Variants in RNASEH2B observed in about 807,000 individuals in gnomAD.
The protein encoded by RNASEH2B is ribonuclease H2 subunit B.
Under a neutral mutation model 45.0 loss-of-function variants are expected in RNASEH2B, and 36 were observed. The ratio of observed to expected loss-of-function variants is 0.80; its 90% CI spans 0.61 to 1.06. RNASEH2B has a LOEUF of 1.06. Ranked by LOEUF, RNASEH2B falls within the 50% of genes least tolerant of loss-of-function variation. The probability of loss-of-function intolerance (pLI) is 0.00; values close to 1 mark genes in which losing one functional copy is unlikely to be tolerated. For synonymous variants in RNASEH2B, 119 were observed against 125.7 expected, an observed-to-expected ratio of 0.95 and a Z score of 0.35; for missense variants, 361 against 360.3, an observed-to-expected ratio of 1.00 and a Z score of -0.02.
intron 4 of RNASEH2B, among the ~76,000 whole-genome samples, chr13:50,931,879 C>T (rs1951685259): frequency 6.6e-6 from 1 of 151,884 alleles, no homozygotes; most frequent in Admixed American, 6.6e-5. Context: ...GATTTTGTAA[C>T]ATCATGCTTT....
rs148489640 is a variant in RNASEH2B at position 50,934,645 on chromosome 13, G to A, written c.322-240G>A. The A allele has an allele frequency of 4.7e-5, 25 of 536,958 alleles. No homozygotes were observed. The East Asian group carries it at 7.1e-4, about 15-fold the overall frequency. The allele number at this position is 536,958 out of a possible 1,614,324, so 33.3% of individuals were successfully genotyped here. A position where few individuals can be genotyped will look rare whatever the true frequency, so the allele number is the denominator to read the frequency against. On this transcript the variant is annotated intron_variant, in intron 4 of 10. Coordinates refer to ENST00000336617, the MANE Select transcript of RNASEH2B (RefSeq NM_024570.4). ...ATTGATTTTCTTCCCCATTTCATTT[G>A]GGGACTGTACACCCAAGGTAGATGG... is the stretch of plus-strand genomic sequence containing the variant.
chr13:50,931,644 G>A (rs1271583807), intron 4 of RNASEH2B, among the ~76,000 whole-genome samples: 2 of 151,966 alleles, frequency 1.3e-5, no homozygotes, highest in Non-Finnish European at 2.9e-5. Flanking sequence ...AAAAATATGC[G>A]GCCCCATACA....
intron 4 of RNASEH2B, among the ~76,000 whole-genome samples, chr13:50,932,200 T>C (rs1459481280): frequency 6.6e-6 from 1 of 152,168 alleles, no homozygotes; most frequent in Non-Finnish European, 1.5e-5. Flanking sequence ...CCGTAATTCA[T>C]AGTGGGTTTT....
At chr13:50,923,110 T>C (rs1051010924) in intron 1 of RNASEH2B, among the ~76,000 whole-genome samples, 1 of 152,060 alleles carries the variant, frequency 6.6e-6, no homozygotes, top group Non-Finnish European at 1.5e-5. Flanking sequence ...GACAGGCCAA[T>C]TGAGATTATC....
chr13:50,956,768 G>A (rs543538841), downstream of RNASEH2B: 6 of 1,099,136 alleles, frequency 5.5e-6, no homozygotes, highest in Non-Finnish European at 6.7e-6. Context: ...CAATGTTAGA[G>A]TGTATGACTG....
intron 5 of RNASEH2B, chr13:50,938,407 C>G (rs939766541): frequency 6.6e-6 from 1 of 151,988 alleles, no homozygotes; most frequent in African/African-American, 2.4e-5. Flanking sequence ...TTAGCCAGCT[C>G]CATTTTTTTT....
At chr13:50,913,985 T>C (rs929964261) in intron 1 of RNASEH2B, among the ~76,000 whole-genome samples, 1 of 152,084 alleles carries the variant, frequency 6.6e-6, no homozygotes, top group Non-Finnish European at 1.5e-5. Flanking sequence ...AAACTAATTT[T>C]CTTATTTAAT....
At chr13:50,947,840 T>G in intron 7 of RNASEH2B, 147 bp from the exon 8 acceptor site, 1 of 1,301,010 alleles carries the variant, frequency 7.7e-7, no homozygotes, top group African/African-American at 1.5e-5. Context: ...ATCCCCATTT[T>G]ACAAATGAGA....
intron 1 of RNASEH2B, among the ~76,000 whole-genome samples, chr13:50,917,981 G>C (rs1879839011): frequency 6.6e-6 from 1 of 152,074 alleles, no homozygotes; most frequent in African/African-American, 2.4e-5. Flanking sequence ...TGGTCTTTGT[G>C]GCTCTGAGTT....
intron 8 of RNASEH2B, 194 bp downstream of exon 8, chr13:50,948,262 G>A (rs928571787): frequency 3.7e-6 from 3 of 802,198 alleles, no homozygotes; most frequent in Non-Finnish European, 5.5e-6. Context: ...GATACGGATT[G>A]CAGGAACTAG....
At chr13:50,933,228 TC>T (rs1167968141) in intron 4 of RNASEH2B, among the ~76,000 whole-genome samples, 1 of 152,136 alleles carries the variant, frequency 6.6e-6, no homozygotes, top group East Asian at 1.9e-4. Context: ...CACTTAAGGC[TC>T]CCCCTCCCCT....
intron 4 of RNASEH2B, among the ~76,000 whole-genome samples, chr13:50,933,467 G>A (rs1951707730): frequency 6.6e-6 from 1 of 152,158 alleles, no homozygotes; most frequent in Non-Finnish European, 1.5e-5. Context: ...CATTTGAGAT[G>A]TTTAGGTATT....
At chr13:50,959,789 G>C (rs1009441951), downstream of RNASEH2B, 1 of 158,216 alleles carries the variant, frequency 6.3e-6, no homozygotes. Context: ...AAATCATCTA[G>C]AGAATGTGTA....
At chr13:50,944,064 CGGGAT>C (rs1951867302) in intron 6 of RNASEH2B, among the ~76,000 whole-genome samples, 1 of 121,296 alleles carries the variant, frequency 8.2e-6, no homozygotes, top group Non-Finnish European at 1.7e-5. Flanking sequence ...TGGGATGGGA[CGGGAT>C]GGGATGGGAT....
chr13:50,953,690 C>T (rs1051268060), intron 9 of RNASEH2B: 8 of 590,588 alleles, frequency 1.4e-5, no homozygotes, highest in Non-Finnish European at 2.1e-5. Flanking sequence ...TCATATCCAC[C>T]ATCACCAAGG....
At chr13:50,916,675 A>G (rs549328929) in intron 1 of RNASEH2B, among the ~76,000 whole-genome samples, 2 of 152,374 alleles carry the variant, frequency 1.3e-5, no homozygotes, top group South Asian at 2.1e-4. Flanking sequence ...GAGGACAACC[A>G]TAGCCTCCTG....
At chr13:50,913,703 G>A (rs1409646935) in intron 1 of RNASEH2B, among the ~76,000 whole-genome samples, 1 of 152,116 alleles carries the variant, frequency 6.6e-6, no homozygotes, top group Non-Finnish European at 1.5e-5. Context: ...AGTATTTTAG[G>A]AAAGATTGCA....
At chr13:50,939,656 T>C (rs78640729) in intron 5 of RNASEH2B, among the ~76,000 whole-genome samples, 3,493 of 152,060 alleles carry the variant, frequency 0.023, 62 homozygotes, top group African/African-American at 0.044. Context: ...TTTCCAAAAG[T>C]GTGAAGATAA....
chr13:50,936,140 G>A (rs1170169080), intron 5 of RNASEH2B: 4 of 152,240 alleles, frequency 2.6e-5, no homozygotes, highest in Non-Finnish European at 5.9e-5. Flanking sequence ...ATGAAGAGAT[G>A]CGTTTTCACT....
Sources: allele counts gnomAD v4.1 joint callset (sites outside exome capture counted in the v4.1 genomes callset), GRCh38; gene constraint gnomAD v4.1.1; transcripts MANE v1.5; gene names NCBI Gene and HGNC (gene_info 2026-07-23, HGNC 2026-07-21).